USP8: variants seen among roughly 807,000 people sequenced by gnomAD.
USP8 encodes ubiquitin carboxyl-terminal hydrolase 8.
In USP8, 27 loss-of-function variants were observed where a neutral mutation model predicts 130.0. The ratio of observed to expected loss-of-function variants is 0.21; its 90% confidence interval spans 0.15 to 0.29. The LOEUF (loss-of-function observed/expected upper bound fraction) is 0.29, where lower values mean the gene tolerates loss of function less well. Ranked by LOEUF, USP8 falls within the 10% of genes least tolerant of loss-of-function variation. The pLI, the probability that USP8 is intolerant of heterozygous loss-of-function variation, is 1.00. For synonymous variants in USP8, 392 were observed against 444.1 expected, an observed-to-expected ratio of 0.88 and a Z score of 1.48; for missense variants, 1,029 against 1,312.2, an observed-to-expected ratio of 0.78 and a Z score of 3.33.
chr15:50,497,337 G>C, intron 18 of USP8, 106 bp downstream of exon 18: 1 of 1,372,864 alleles, frequency 7.3e-7, no homozygotes, highest in Non-Finnish European at 9.7e-7. Context: ...ACATAACAAA[G>C]GGCGATTATC....
At chr15:50,455,022 T>TATGCTAAATG (rs1259607931) in intron 4 of USP8, among the ~76,000 whole-genome samples, 1 of 151,728 alleles carries the variant, frequency 6.6e-6, no homozygotes, top group Non-Finnish European at 1.5e-5. Context: ...CTTTACTTTG[T>TATGCTAAATG]CATCTCCAAT....
chr15:50,492,759 C>T lies in USP8; in HGVS notation c.2293C>T (p.Leu765Phe). ...GCTTTCTGCTTCTCAGATTCGGAAC[C>T]TCAATCCTGTTTTTGGAGGTTCTGG... is the stretch of plus-strand genomic sequence containing the variant. ...SRLSASQIRNLNPVFGGSGPA... is the reference protein window; with the variant it reads ...SRLSASQIRNFNPVFGGSGPA... The change falls in exon 15 of 20, where the codon CTC (leucine) becomes TTC (phenylalanine). Residue 765 changes from leucine to phenylalanine, a missense_variant. Transcript: ENST00000307179. 6.2e-7 allele frequency: 1 copy of T among 1,614,126 alleles called. No homozygotes were observed. The highest frequency in any genetic ancestry group is 8.5e-7 in the Non-Finnish European group (1 of 1,180,018).
intron 3 of USP8, among the ~76,000 whole-genome samples, chr15:50,443,261 G>A (rs1433918667): frequency 1.4e-5 from 2 of 147,028 alleles, no homozygotes; most frequent in African/African-American, 2.4e-5. Context: ...AGCTGGTATC[G>A]AACTCCTGAC....
intron 1 of USP8, chr15:50,426,753 A>G (rs1018227235): frequency 7.2e-5 from 11 of 152,296 alleles, no homozygotes; most frequent in African/African-American, 2.2e-4. Flanking sequence ...AATTCGCACA[A>G]CATTACTTCC....
intron 4 of USP8, among the ~76,000 whole-genome samples, chr15:50,451,995 T>G (rs1229788752): frequency 6.6e-6 from 1 of 152,212 alleles, no homozygotes; most frequent in Non-Finnish European, 1.5e-5. Flanking sequence ...GTGTGCCGAG[T>G]GGGGTCCGTG....
intron 1 of USP8, among the ~76,000 whole-genome samples, chr15:50,432,693 T>C (rs1375293655): frequency 6.6e-6 from 1 of 152,234 alleles, no homozygotes; most frequent in Non-Finnish European, 1.5e-5. Flanking sequence ...CATCCAGTGT[T>C]ATATCATATA....
rs201242977 is a variant in USP8 at position 50,501,213 on chromosome 15, ACT to A, written c.*2128_*2129del. On this transcript the variant is annotated 3_prime_UTR_variant, in exon 20 of 20. Transcript: ENST00000307179. ...AGTGGCTCACACCTGTAATCCCAAC[ACT>A]CTGGGAGGCTGAGGCAGGTGGATTG... 35 of 172,394 alleles carry A rather than the reference ACT, an allele frequency of 2.0e-4. No individual in the cohort carries two copies. The highest frequency in any genetic ancestry group is 1.3e-3 in the East Asian group (8 of 6,334). 10.7% of individuals were successfully genotyped at this position (172,394 alleles called of 1,614,324 possible).
Position 50,449,447 on chromosome 15 carries a change from C to A in USP8, c.297C>A (p.Val99=), listed in dbSNP as rs183341645. ...ILGPGNIKKA[V]EEAERLSESL... Reference sequence around the variant, plus strand: ...GACCTGGAAACATCAAAAAAGCTGTCGAAGAAGCTGAAAGACTCTCTGAAA... The same window carrying A: ...GACCTGGAAACATCAAAAAAGCTGTAGAAGAAGCTGAAAGACTCTCTGAAA... The change falls in exon 4 of 20, where the codon GTC becomes GTA. Residue 99 remains valine (V), a synonymous_variant. Transcript: ENST00000307179. 22 of 1,595,976 alleles carry A rather than the reference C, an allele frequency of 1.4e-5. No homozygotes were observed. The Admixed American group carries it at 3.6e-4, about 26-fold the overall frequency.
At chr15:50,440,911 A>G (rs1025201015) in intron 2 of USP8, among the ~76,000 whole-genome samples, 2 of 151,934 alleles carry the variant, frequency 1.3e-5, no homozygotes, top group African/African-American at 4.8e-5. Flanking sequence ...CTGAGGCAGG[A>G]GAATCACTTG....
chr15:50,475,590 T>C (rs2051540329), intron 8 of USP8, among the ~76,000 whole-genome samples: 1 of 151,960 alleles, frequency 6.6e-6, no homozygotes, highest in Non-Finnish European at 1.5e-5. Flanking sequence ...CACACACATA[T>C]ATATATATTT....
chr15:50,486,437 A>G (rs2051963535), intron 12 of USP8, among the ~76,000 whole-genome samples: 1 of 152,024 alleles, frequency 6.6e-6, no homozygotes, highest in Admixed American at 6.6e-5. Context: ...ACAGTGAGCC[A>G]TGATCATGCT....
In USP8 at chr15:50,449,341, C is replaced by T. The variant is rs990105664; in HGVS notation, c.250-59C>T. On this transcript the variant is annotated intron_variant, in intron 3 of 19. Transcript: ENST00000307179. ...CACCATGATTTTAATGATTTTAACACTAGTGTCACATGCAATGCCGAGAAC... is the reference window on the plus strand; with the variant it reads ...CACCATGATTTTAATGATTTTAACATTAGTGTCACATGCAATGCCGAGAAC... 4 of 1,073,072 alleles carry T rather than the reference C, an allele frequency of 3.7e-6. No homozygotes were observed. In the South Asian group the frequency reaches 5.3e-5, roughly 14 times the overall value. 66.5% of individuals were successfully genotyped at this position (1,073,072 alleles called of 1,614,324 possible). A position where few individuals can be genotyped will look rare whatever the true frequency, so the allele number is the denominator to read the frequency against.
At chr15:50,448,482 A>G (rs1167650696) in intron 3 of USP8, among the ~76,000 whole-genome samples, 18 of 151,802 alleles carry the variant, frequency 1.2e-4, no homozygotes, top group Admixed American at 1.2e-3. Flanking sequence ...AGTAAATTAT[A>G]TGCCAAATCT....
At chr15:50,456,569 G>C (rs571961385) in intron 4 of USP8, among the ~76,000 whole-genome samples, 2 of 127,248 alleles carry the variant, frequency 1.6e-5, no homozygotes, top group African/African-American at 5.6e-5. Flanking sequence ...GTGAGACTCC[G>C]TCTCAAAAAA....
intron 11 of USP8, 47 bp downstream of exon 11, chr15:50,482,112 T>C (rs1248546842): frequency 2.1e-6 from 3 of 1,445,666 alleles, no homozygotes; most frequent in Non-Finnish European, 1.8e-6. Context: ...AGAAAATGTA[T>C]ATGAAAATGT....
At chr15:50,446,636 A>G (rs1288170324) in intron 3 of USP8, among the ~76,000 whole-genome samples, 3 of 152,224 alleles carry the variant, frequency 2.0e-5, no homozygotes, top group African/African-American at 7.2e-5. Flanking sequence ...AATTGATACG[A>G]TATTGAACAA....
intron 7 of USP8, among the ~76,000 whole-genome samples, chr15:50,470,625 CAG>C (rs2051343175): frequency 7.2e-6 from 1 of 139,108 alleles, no homozygotes; most frequent in Non-Finnish European, 1.5e-5. Context: ...TTTTTTGAGA[CAG>C]AGTCTTGCTT....
At chr15:50,448,194 G>A (rs2050503161) in intron 3 of USP8, among the ~76,000 whole-genome samples, 1 of 152,076 alleles carries the variant, frequency 6.6e-6, no homozygotes, top group African/African-American at 2.4e-5. Context: ...CCAAAGATAG[G>A]TACTTCTGAC....
chr15:50,441,868 T>G (rs919403404), intron 3 of USP8, among the ~76,000 whole-genome samples: 3 of 152,098 alleles, frequency 2.0e-5, no homozygotes, highest in Non-Finnish European at 4.4e-5. Context: ...GAGTCAAGGT[T>G]TAGTCTCTTG....
Sources: gnomAD v4.1 joint callset for allele counts (sites outside exome capture counted in the v4.1 genomes callset) on GRCh38, gnomAD v4.1.1 for gene constraint, MANE v1.5 for transcripts, NCBI Gene and HGNC (gene_info 2026-07-23, HGNC 2026-07-21) for gene names.